Variants in PDE1A observed in about 807,000 individuals in gnomAD.
PDE1A encodes the protein phosphodiesterase 1A.
A neutral mutation model predicts 61.7 loss-of-function variants in PDE1A; 35 were observed. The ratio of observed to expected loss-of-function variants is 0.57; its 90% confidence interval spans 0.43 to 0.75. The LOEUF (loss-of-function observed/expected upper bound fraction) is 0.75. PDE1A is among the 30% of genes least tolerant of loss of function. PDE1A has a pLI of 0.00. For missense variants in PDE1A, 597 were observed against 630.6 expected (o/e 0.95, Z 0.57); for synonymous variants, 232 against 213.2 (o/e 1.09, Z -0.77).
At chr2:182,603,788 C>A in the PDE1A span, among the ~76,000 whole-genome samples, 1 of 151,966 alleles carries the variant, frequency 6.6e-6, no homozygotes, top group Non-Finnish European at 1.5e-5. Context: ...GAACTCAGGT[C>A]AACAAGAAAC....
At chr2:182,247,859 C>T (rs1691092356) in intron 2 of PDE1A, among the ~76,000 whole-genome samples, 1 of 152,154 alleles carries the variant, frequency 6.6e-6, no homozygotes, top group African/African-American at 2.4e-5. Flanking sequence ...AATAGGATCT[C>T]AACTATCATA....
chr2:182,540,851 C>T, the PDE1A span, among the ~76,000 whole-genome samples: 1 of 151,844 alleles, frequency 6.6e-6, no homozygotes, highest in Non-Finnish European at 1.5e-5. Context: ...CTTGTATTAC[C>T]GTATGTTAAT....
chr2:182,596,717 G>GGAT, the PDE1A span, among the ~76,000 whole-genome samples: 3 of 150,286 alleles, frequency 2.0e-5, no homozygotes, highest in South Asian at 6.3e-4. Context: ...ATGGATGGAT[G>GGAT]GGAAAAATGC....
intron 1 of PDE1A, among the ~76,000 whole-genome samples, chr2:182,424,400 C>T (rs1386884930): frequency 6.6e-6 from 1 of 152,148 alleles, no homozygotes; most frequent in Admixed American, 6.5e-5. Context: ...ATCCAGTGTG[C>T]AAGGCCCCTA....
At chr2:182,190,155 G>C (rs1685569067) in intron 10 of PDE1A, among the ~76,000 whole-genome samples, 1 of 152,184 alleles carries the variant, frequency 6.6e-6, no homozygotes, top group South Asian at 2.1e-4. Context: ...TTGATTATGA[G>C]AGTTATAGAC....
chr2:182,192,480 T>C (rs1309053150), intron 10 of PDE1A, among the ~76,000 whole-genome samples: 1 of 152,122 alleles, frequency 6.6e-6, no homozygotes, highest in African/African-American at 2.4e-5. Flanking sequence ...GAACTTTGTA[T>C]AAAGAGAATG....
the PDE1A span, among the ~76,000 whole-genome samples, chr2:182,584,759 G>C: frequency 2.6e-5 from 4 of 152,186 alleles, no homozygotes; most frequent in Non-Finnish European, 5.9e-5. Flanking sequence ...CCTCTCAGCA[G>C]AAAGCCTGGC....
At chr2:182,527,680 A>C (rs1484740283), upstream of PDE1A, among the ~76,000 whole-genome samples, 1 of 152,114 alleles carries the variant, frequency 6.6e-6, no homozygotes. Flanking sequence ...CCTAATGTAC[A>C]TGTCTAATAT....
chr2:182,428,630 T>C (rs1284273421), upstream of PDE1A, among the ~76,000 whole-genome samples: 1 of 152,148 alleles, frequency 6.6e-6, no homozygotes, highest in Admixed American at 6.6e-5. Flanking sequence ...GCTTTATTAT[T>C]ACCATATGCT....
intron 2 of PDE1A, among the ~76,000 whole-genome samples, chr2:182,262,585 A>G (rs1387434289): frequency 2.0e-5 from 3 of 152,062 alleles, no homozygotes; most frequent in African/African-American, 7.2e-5. Flanking sequence ...CTTTTCCTCA[A>G]ATAATTTCTC....
intron 2 of PDE1A, among the ~76,000 whole-genome samples, chr2:182,478,801 T>C (rs184711085): frequency 1.3e-4 from 19 of 151,996 alleles, no homozygotes; most frequent in African/African-American, 3.9e-4. Flanking sequence ...TGGAGGCTAA[T>C]AGAGTGAACA....
At chr2:182,450,573 A>G (rs964411741) in intron 2 of PDE1A, among the ~76,000 whole-genome samples, 4 of 151,668 alleles carry the variant, frequency 2.6e-5, no homozygotes, top group African/African-American at 9.7e-5. Flanking sequence ...AAAAACCAAC[A>G]TTACTAGGGC....
chr2:182,455,822 G>C (rs1397297420), intron 2 of PDE1A, among the ~76,000 whole-genome samples: 1 of 151,618 alleles, frequency 6.6e-6, no homozygotes, highest in African/African-American at 2.4e-5. Context: ...CGAGTTAATG[G>C]GTGCAGCACA....
rs180677724 is a variant in PDE1A, at chr2:182,389,305, G to T, written c.53+37273C>A. Among the ~76,000 whole-genome samples, 41 of 152,190 alleles carry T rather than the reference G, an allele frequency of 2.7e-4. No homozygotes were observed. The East Asian group carries it at 6.2e-3, about 23-fold the overall frequency. On this transcript the variant is annotated intron_variant, in intron 1 of 13. Coordinates refer to ENST00000351439, the Ensembl canonical transcript of PDE1A. ...CAACAGAGTGAACAGACAACCTATA[G>T]AATGAGAGAAAATACTTGCAAACTA...
chr2:182,490,687 T>C (rs963209037), intron 2 of PDE1A, among the ~76,000 whole-genome samples: 3 of 152,198 alleles, frequency 2.0e-5, no homozygotes, highest in Non-Finnish European at 2.9e-5. Context: ...TTTTTATTTT[T>C]TTAACCTGAA....
chr2:182,264,834 C>T (rs1170257378), intron 1 of PDE1A, among the ~76,000 whole-genome samples: 3 of 129,736 alleles, frequency 2.3e-5, no homozygotes, highest in Non-Finnish European at 4.8e-5. Context: ...AACCTAAGTG[C>T]CCATTGACCA....
intron 6 of PDE1A, among the ~76,000 whole-genome samples, chr2:182,226,748 A>T (rs540398861): frequency 6.7e-6 from 1 of 149,994 alleles, no homozygotes; most frequent in South Asian, 2.1e-4. Context: ...TAAGAGGATA[A>T]ATCATGAGCA....
the PDE1A span, among the ~76,000 whole-genome samples, chr2:182,664,853 T>C: frequency 6.6e-6 from 1 of 152,206 alleles, no homozygotes. Context: ...TCTAAAGAGA[T>C]ACGTAAGTCA....
intron 13 of PDE1A, among the ~76,000 whole-genome samples, chr2:182,169,142 C>T (rs558667595): frequency 7.9e-5 from 12 of 152,068 alleles, no homozygotes; most frequent in African/African-American, 2.9e-4. Context: ...TATAGAAGGA[C>T]AATTTTGGCT....
Sources: allele counts gnomAD v4.1 joint callset (sites outside exome capture counted in the v4.1 genomes callset), GRCh38; gene constraint gnomAD v4.1.1; transcripts MANE v1.5; gene names NCBI Gene and HGNC (gene_info 2026-07-23, HGNC 2026-07-21).